The following MGA variants were observed in gnomAD, a reference collection of about 807,000 sequenced individuals.
MGA encodes MAX gene-associated protein.
A neutral mutation model predicts 261.1 loss-of-function variants in MGA; 40 were observed. That is an observed-to-expected ratio of 0.15 (90% confidence interval 0.12 to 0.20). MGA has a LOEUF of 0.20. Ranked by LOEUF, MGA falls within the 10% of genes least tolerant of loss-of-function variation. The probability of loss-of-function intolerance (pLI) is 1.00; values close to 1 mark genes in which losing one functional copy is unlikely to be tolerated. For synonymous variants in MGA, 1,302 were observed against 1,290.6 expected, an observed-to-expected ratio of 1.01 and a Z score of -0.19; for missense variants, 3,397 against 3,630.5, an observed-to-expected ratio of 0.94 and a Z score of 1.65.
At chr15:41,666,936 T>C (rs909086059) in intron 1 of MGA, among the ~76,000 whole-genome samples, 1 of 152,198 alleles carries the variant, frequency 6.6e-6, no homozygotes, top group African/African-American at 2.4e-5. Flanking sequence ...TGTCATAGGA[T>C]GATATATGGA....
intron 1 of MGA, among the ~76,000 whole-genome samples, chr15:41,631,039 A>G (rs1335853974): frequency 6.6e-6 from 1 of 152,218 alleles, no homozygotes; most frequent in Non-Finnish European, 1.5e-5. Flanking sequence ...AAAGAAATAA[A>G]AGGCATTCTT....
chr15:41,728,310 G>T (rs2061350078), intron 10 of MGA, among the ~76,000 whole-genome samples: 1 of 152,118 alleles, frequency 6.6e-6, no homozygotes. Context: ...CAGCCTGGAT[G>T]ACAGAGCAAG....
At chr15:41,665,820 A>C (rs2057702623) in intron 1 of MGA, among the ~76,000 whole-genome samples, 1 of 152,204 alleles carries the variant, frequency 6.6e-6, no homozygotes. Flanking sequence ...TTGTTTCTCT[A>C]GATTTGCCTG....
intron 5 of MGA, among the ~76,000 whole-genome samples, chr15:41,702,149 G>A (rs999284958): frequency 6.6e-6 from 1 of 151,956 alleles, no homozygotes; most frequent in Non-Finnish European, 1.5e-5. Context: ...GCGAAACTCC[G>A]TCTCTACTAA....
intron 5 of MGA, among the ~76,000 whole-genome samples, chr15:41,703,296 C>T (rs1012417068): frequency 6.7e-6 from 1 of 150,008 alleles, no homozygotes; most frequent in African/African-American, 2.4e-5. Context: ...CATACATTAA[C>T]ATGATTTATC....
At chr15:41,754,353 T>G in intron 17 of MGA, 84 bp from the exon 18 acceptor site, 1 of 1,357,972 alleles carries the variant, frequency 7.4e-7, no homozygotes. Flanking sequence ...CATTAGTTGG[T>G]TTTATAAGGG....
At chr15:41,719,226 T>C (rs532213659) in intron 9 of MGA, among the ~76,000 whole-genome samples, 2 of 152,122 alleles carry the variant, frequency 1.3e-5, no homozygotes, top group South Asian at 4.2e-4. Flanking sequence ...CTATAAGATA[T>C]TGCTGAGAGT....
rs367727094 is a variant in MGA at position 41,736,444 on chromosome 15, C to T, written c.4180C>T (p.Arg1394Cys). Residue 1394 changes from arginine to cysteine, a missense_variant, in exon 13 of 24, where the codon CGT (arginine) becomes TGT (cysteine). By Grantham distance (180) the Arg-to-Cys change is radical. Coordinates refer to ENST00000219905, the MANE Select transcript of MGA (RefSeq NM_001164273.2). The stretch of plus-strand genomic sequence containing the variant: ...GAAGAACCCTCCTGTTTATTCTTCT[C>T]GTGTGAAAATCTCTATGCCATCATG... 3.8e-5 allele frequency: 61 copies of T among 1,613,878 alleles called. No homozygotes were observed. The Middle Eastern group carries it at 2.5e-3, about 65-fold the overall frequency.
chr15:41,734,697 C>A, intron 12 of MGA, 103 bp downstream of exon 12: 1 of 878,486 alleles, frequency 1.1e-6, no homozygotes, highest in Non-Finnish European at 1.7e-6. Context: ...AATATGTCTG[C>A]CTACCCTGTT....
At chr15:41,659,987 G>C (rs920695634), upstream of MGA, among the ~76,000 whole-genome samples, 4 of 152,226 alleles carry the variant, frequency 2.6e-5, no homozygotes, top group African/African-American at 4.8e-5. Flanking sequence ...TTCATTTGAC[G>C]GGCTTGTGGA....
Position 41,740,190 on chromosome 15 carries a change from A to C in MGA, c.4572A>C (p.Ala1524=). ...AGAATCTGAAGGCGTTTGTCCCAGC[A>C]AAACGGCCAATTGGTAAGTTGGGGT... The change falls in exon 14 of 24, where the codon GCA becomes GCC. Residue 1524 remains alanine (A), a synonymous_variant. Transcript: ENST00000219905. The C allele has an allele frequency of 6.2e-7, 1 of 1,613,854 alleles. No individual in the cohort carries two copies. Among genetic ancestry groups the C allele is most frequent in the South Asian group, 1.1e-5 (1 of 91,078 alleles).
chr15:41,766,172 A>T lies in MGA; in HGVS notation c.8090A>T (p.Asp2697Val). The change falls in exon 24 of 24, where the codon GAT (aspartate) becomes GTT (valine). Residue 2697 changes from aspartate (D) to valine (V), a missense_variant. Coordinates refer to ENST00000219905, the MANE Select transcript of MGA (RefSeq NM_001164273.2). Reference sequence around the variant, plus strand: ...AGGAATGAAGATAATTCCTTAGAGGATAAGGGTAGAATCTCTTCCAGAGGA... The same window carrying T: ...AGGAATGAAGATAATTCCTTAGAGGTTAAGGGTAGAATCTCTTCCAGAGGA... 1 of 1,614,018 alleles carries T rather than the reference A, an allele frequency of 6.2e-7. No individual in the cohort carries two copies.
At chr15:41,650,525 C>T (rs1197207826) in intron 1 of MGA, among the ~76,000 whole-genome samples, 1 of 152,114 alleles carries the variant, frequency 6.6e-6, no homozygotes, top group Non-Finnish European at 1.5e-5. Context: ...GTAACCTCCA[C>T]CTCCCTGGTT....
intron 2 of MGA, among the ~76,000 whole-genome samples, chr15:41,681,198 A>G (rs1295078594): frequency 6.6e-6 from 1 of 151,998 alleles, no homozygotes; most frequent in East Asian, 1.9e-4. Flanking sequence ...TGGCTTTACC[A>G]TTTTTCACCC....
chr15:41,671,829 T>C (rs1224740251), intron 2 of MGA, among the ~76,000 whole-genome samples: 1 of 152,200 alleles, frequency 6.6e-6, no homozygotes, highest in East Asian at 1.9e-4. Flanking sequence ...TTTCTAAGGA[T>C]TGTTGCAGCA....
intron 5 of MGA, among the ~76,000 whole-genome samples, chr15:41,705,875 T>C (rs1020480427): frequency 3.2e-4 from 48 of 152,206 alleles, no homozygotes; most frequent in African/African-American, 1.1e-3. Context: ...CCGTAGTTGA[T>C]TGGGAACATG....
intron 10 of MGA, among the ~76,000 whole-genome samples, chr15:41,728,050 C>T (rs781558324): frequency 1.2e-4 from 19 of 152,120 alleles, no homozygotes; most frequent in African/African-American, 2.9e-4. Flanking sequence ...CAAGGGTGGG[C>T]CGGGCGCGGT....
intron 15 of MGA, among the ~76,000 whole-genome samples, chr15:41,747,620 T>G (rs1184683992): frequency 1.3e-5 from 2 of 150,740 alleles, no homozygotes; most frequent in African/African-American, 4.9e-5. Context: ...AGGCTGAGCC[T>G]GGGAGTTCGA....
At chr15:41,751,361 CTAGATGGCTCTCTGT>C (rs1408072560) in intron 17 of MGA, 1 of 152,106 alleles carries the variant, frequency 6.6e-6, no homozygotes, top group Non-Finnish European at 1.5e-5. Context: ...TTGCAGAGAG[CTAGATGGCTCTCTGT>C]TGCGACTAAT....
Sources: gnomAD v4.1 joint callset for allele counts (sites outside exome capture counted in the v4.1 genomes callset) on GRCh38, gnomAD v4.1.1 for gene constraint, MANE v1.5 for transcripts, NCBI Gene and HGNC (gene_info 2026-07-23, HGNC 2026-07-21) for gene names.